Variants in PLEKHA6 observed in about 807,000 individuals in gnomAD.
The protein encoded by PLEKHA6 is pleckstrin homology domain containing A6.
In PLEKHA6, 60 loss-of-function variants were observed where a neutral mutation model predicts 116.7. The ratio of observed to expected loss-of-function variants is 0.51; its 90% confidence interval spans 0.42 to 0.64. The LOEUF (loss-of-function observed/expected upper bound fraction) is 0.64, where lower values mean the gene tolerates loss of function less well. Ranked by LOEUF, PLEKHA6 falls within the 30% of genes least tolerant of loss-of-function variation. The pLI is 0.00. For synonymous variants in PLEKHA6, 489 were observed against 556.1 expected (o/e 0.88, Z 1.70); for missense variants, 1,338 against 1,422.7 (o/e 0.94, Z 0.96).
intron 3 of PLEKHA6, among the ~76,000 whole-genome samples, chr1:204,367,607 A>C (rs555359628): frequency 1.3e-5 from 2 of 152,006 alleles, no homozygotes; most frequent in Non-Finnish European, 2.9e-5. Context: ...TGCCCAGGCC[A>C]ACATAAACAG....
chr1:204,249,346 G>T lies in PLEKHA6; in HGVS notation c.1594-82C>A, dbSNP rs950954780. ...TTTGATGGGGACCTGGGAGTTATAG[G>T]CCTGGCCTCTGGATACCCCCCTCCT... On this transcript the variant is annotated intron_variant, in intron 10 of 22. Coordinates refer to ENST00000272203, the MANE Select transcript of PLEKHA6 (RefSeq NM_014935.5). The T allele has an allele frequency of 2.2e-5, 23 of 1,039,888 alleles. No homozygotes were observed. In the Admixed American group the frequency reaches 3.7e-4, roughly 17 times the overall value. The allele number at this position is 1,039,888 out of a possible 1,614,324, so 64.4% of individuals were successfully genotyped here.
intron 1 of PLEKHA6, among the ~76,000 whole-genome samples, chr1:204,356,159 T>C (rs1344198583): frequency 1.3e-5 from 2 of 152,274 alleles, no homozygotes; most frequent in Admixed American, 1.3e-4. Flanking sequence ...GATATTTATA[T>C]GTTCATTGTA....
chr1:204,347,147 C>A, intron 1 of PLEKHA6: 1 of 1,121,458 alleles, frequency 8.9e-7, no homozygotes, highest in Non-Finnish European at 1.3e-6. Flanking sequence ...TCTACAATAT[C>A]ACCTTTCTTA....
intron 9 of PLEKHA6, 76 bp from the exon 10 acceptor site, chr1:204,250,690 T>C (rs1664435389): frequency 2.0e-6 from 2 of 993,810 alleles, no homozygotes; most frequent in African/African-American, 3.2e-5. Flanking sequence ...AACATCACAA[T>C]CCCGCTGTGC....
At position 204,243,016 on chromosome 1, in the gene PLEKHA6, A is replaced by T. The variant is rs58223003; in HGVS notation, c.2173-1202T>A. On this transcript the variant is annotated intron_variant, in intron 15 of 22. Coordinates refer to ENST00000272203, the MANE Select transcript of PLEKHA6 (RefSeq NM_014935.5). ...TAGAAACCGACCTTTGGGAAAATTA[A>T]TGGGGAAAATGACTCCAGGGCCCTG... is the stretch of plus-strand genomic sequence containing the variant. 3,173 of 399,104 alleles carry T rather than the reference A, an allele frequency of 8.0e-3. 81 individuals are homozygous for T. Among genetic ancestry groups the T allele is most frequent in the African/African-American group, 0.057 (2,774 of 48,754 alleles). 24.7% of individuals were successfully genotyped at this position (399,104 alleles called of 1,614,324 possible).
intron 5 of PLEKHA6, among the ~76,000 whole-genome samples, chr1:204,266,293 T>G (rs530558926): frequency 2.3e-4 from 35 of 152,218 alleles, no homozygotes; most frequent in Non-Finnish European, 4.1e-4. Context: ...CATGACAGAG[T>G]CCAGGCCAGC....
chr1:204,272,889 T>C (rs1314936779), intron 3 of PLEKHA6, among the ~76,000 whole-genome samples: 1 of 152,234 alleles, frequency 6.6e-6, no homozygotes, highest in Non-Finnish European at 1.5e-5. Context: ...CATTATGTGA[T>C]GATATACTAC....
intron 1 of PLEKHA6, among the ~76,000 whole-genome samples, chr1:204,328,466 G>A (rs1428429119): frequency 1.3e-5 from 2 of 150,714 alleles, no homozygotes; most frequent in East Asian, 1.9e-4. Flanking sequence ...GCACCATCTC[G>A]GCTCACTGCA....
chr1:204,271,518 C>T (rs1461564080), intron 3 of PLEKHA6, among the ~76,000 whole-genome samples: 1 of 152,186 alleles, frequency 6.6e-6, no homozygotes, highest in Non-Finnish European at 1.5e-5. Flanking sequence ...GTCACCACAA[C>T]CCTATGCAAA....
In PLEKHA6 at chr1:204,292,548, A is replaced by ACCCTGGCTGATGCCCACCTGTGTCCCTCG. The variant is rs1170136235; in HGVS notation, c.-94-17768_-94-17740dup. On this transcript the variant is annotated intron_variant, in intron 1 of 22. Transcript: ENST00000272203. ...TGGCTGACGCCCACCTATGTCCCTC[A>ACCCTGGCTGATGCCCACCTGTGTCCCTCG]CCCTGGCTGATGCCCACCTGTGTCC... is the stretch of plus-strand genomic sequence containing the variant. Among the ~76,000 whole-genome samples the ACCCTGGCTGATGCCCACCTGTGTCCCTCG allele has an allele frequency of 4.1e-3, 615 of 150,112 alleles. 6 individuals carry two copies. Among genetic ancestry groups the ACCCTGGCTGATGCCCACCTGTGTCCCTCG allele is most frequent in the African/African-American group, 0.014 (577 of 40,704 alleles).
At chr1:204,332,064 CCTCCTGA>C (rs1422253414) in intron 1 of PLEKHA6, among the ~76,000 whole-genome samples, 1 of 152,202 alleles carries the variant, frequency 6.6e-6, no homozygotes, top group African/African-American at 2.4e-5. Flanking sequence ...AATCCACCTG[CCTCCTGA>C]GGGGCGGAGT....
In PLEKHA6 at chr1:204,285,984, A is replaced by G. The variant is rs78573230; in HGVS notation, c.-94-11175T>C. ...GGGCCATTTGGTCCAGAGCAGGAGA[A>G]GCTGGCATGGAGGAGGACAGGGTAG... is the stretch of plus-strand genomic sequence containing the variant. On this transcript the variant is annotated intron_variant, in intron 1 of 22. Transcript: ENST00000272203. 6.6e-5 allele frequency among the ~76,000 whole-genome samples: 10 copies of G among 152,224 alleles called. No individual in the cohort carries two copies. In the East Asian group the frequency reaches 1.9e-3, roughly 30 times the overall value.
In PLEKHA6 at chr1:204,336,135, G is replaced by A. The variant is rs115424680; in HGVS notation, c.-95+23559C>T. ...GAGCCCCCAAAACAGCTCTCAGTGC[G>A]GCATCCTAAACCCTCATCACCAACC... On this transcript the variant is annotated intron_variant, in intron 1 of 22. Transcript: ENST00000272203. 4.8e-3 allele frequency among the ~76,000 whole-genome samples: 734 copies of A among 152,178 alleles called. 11 individuals are homozygous for A. In the Middle Eastern group the frequency reaches 0.058, roughly 12 times the overall value.
chr1:204,251,593 G>A (rs777801777), intron 9 of PLEKHA6: 4 of 702,802 alleles, frequency 5.7e-6, no homozygotes, highest in African/African-American at 3.5e-5. Context: ...ATACTGATGA[G>A]AGTCTCGCTC....
At chr1:204,306,467 C>T (rs1671317793) in intron 1 of PLEKHA6, among the ~76,000 whole-genome samples, 1 of 152,202 alleles carries the variant, frequency 6.6e-6, no homozygotes, top group African/African-American at 2.4e-5. Context: ...ATTCCTCCTC[C>T]CCCTCTTCCA....
chr1:204,265,128 C>A (rs1382161336), intron 5 of PLEKHA6, 86 bp from the exon 6 acceptor site: 1 of 890,766 alleles, frequency 1.1e-6, no homozygotes, highest in Non-Finnish European at 1.9e-6. Context: ...GTGTGTTGTC[C>A]CTCCCTGATA....
At chr1:204,368,132 A>G (rs1673697827) in intron 2 of PLEKHA6, among the ~76,000 whole-genome samples, 1 of 152,210 alleles carries the variant, frequency 6.6e-6, no homozygotes, top group South Asian at 2.1e-4. Flanking sequence ...GCCTGGCAGG[A>G]TGCACTTATT....
intron 15 of PLEKHA6, among the ~76,000 whole-genome samples, chr1:204,244,100 C>T (rs979617427): frequency 2.6e-5 from 4 of 151,982 alleles, no homozygotes; most frequent in African/African-American, 4.8e-5. Context: ...GGATTACAGG[C>T]GTGAGCCACC....
At chr1:204,236,692 G>A (rs1264498133) in intron 17 of PLEKHA6, among the ~76,000 whole-genome samples, 2 of 152,156 alleles carry the variant, frequency 1.3e-5, no homozygotes, top group African/African-American at 4.8e-5. Context: ...CTTATGTAGA[G>A]CTCTGTCATT....
Sources: allele counts gnomAD v4.1 joint callset (sites outside exome capture counted in the v4.1 genomes callset), GRCh38; gene constraint gnomAD v4.1.1; transcripts MANE v1.5; gene names NCBI Gene and HGNC (gene_info 2026-07-23, HGNC 2026-07-21).